The following KCNMB4 variants were observed in gnomAD, a reference collection of about 807,000 sequenced individuals.
KCNMB4 encodes potassium calcium-activated channel subfamily M regulatory beta subunit 4.
In KCNMB4, 3 loss-of-function variants were observed where a neutral mutation model predicts 20.7. That is an observed-to-expected ratio of 0.14 (90% CI 0.07 to 0.37). The LOEUF is 0.37. KCNMB4 is among the 10% of genes least tolerant of loss of function. The probability of loss-of-function intolerance (pLI) is 1.00; values close to 1 mark genes in which losing one functional copy is unlikely to be tolerated. For synonymous variants in KCNMB4, 110 were observed against 113.4 expected (o/e 0.97, Z 0.19); for missense variants, 168 against 265.9 (o/e 0.63, Z 2.56).
In KCNMB4 at chr12:70,432,380, A is replaced by C. The variant is rs1219657026; in HGVS notation, c.*1727A>C. 6.6e-6 allele frequency: 1 copy of C among 152,052 alleles called. No individual in the cohort carries two copies. Among genetic ancestry groups the C allele is most frequent in the Non-Finnish European group, 1.5e-5 (1 of 68,028 alleles). 9.4% of individuals were successfully genotyped at this position (152,052 alleles called of 1,614,324 possible). A position where few individuals can be genotyped will look rare whatever the true frequency, so the allele number is the denominator to read the frequency against. On this transcript the variant is annotated 3_prime_UTR_variant, in exon 3 of 3. Transcript: ENST00000258111. ...TGTGGAAAGGTGTTGAATTGAGTAT[A>C]ATCTTCTTCTGTTTATTTTTGTGTT...
chr12:70,398,470 A>T (rs1262511258), intron 1 of KCNMB4, among the ~76,000 whole-genome samples: 1 of 152,188 alleles, frequency 6.6e-6, no homozygotes, highest in Non-Finnish European at 1.5e-5. Context: ...ATAATTTCAC[A>T]GACATTTTTA....
At chr12:70,384,258 T>A (rs1883846697) in intron 1 of KCNMB4, among the ~76,000 whole-genome samples, 1 of 152,106 alleles carries the variant, frequency 6.6e-6, no homozygotes, top group African/African-American at 2.4e-5. Flanking sequence ...ATAAATACGA[T>A]TTTTGACCAC....
intron 2 of KCNMB4, among the ~76,000 whole-genome samples, chr12:70,428,848 G>GGCAATTT (rs1290507980): frequency 1.3e-5 from 2 of 152,044 alleles, no homozygotes; most frequent in African/African-American, 4.8e-5. Flanking sequence ...CGTGCTATAA[G>GGCAATTT]AATTCCAAAA....
At chr12:70,376,464 T>G (rs1883688428) in intron 1 of KCNMB4, among the ~76,000 whole-genome samples, 1 of 152,140 alleles carries the variant, frequency 6.6e-6, no homozygotes, top group Non-Finnish European at 1.5e-5. Flanking sequence ...CCCCTAAAAT[T>G]TATTAGAGCT....
At chr12:70,426,263 C>G (rs1372955771) in intron 2 of KCNMB4, among the ~76,000 whole-genome samples, 1 of 149,582 alleles carries the variant, frequency 6.7e-6, no homozygotes, top group Non-Finnish European at 1.5e-5. Context: ...CACTGCACTC[C>G]AGCCTGGGTG....
chr12:70,378,610 C>T lies in KCNMB4; in HGVS notation c.336+11540C>T, dbSNP rs144523254. ...CGAGTACAATGGTGTGGTCTTGGCT[C>T]GCTTCACCCTCTGCCTCCTGGGTTC... is the stretch of plus-strand genomic sequence containing the variant. On this transcript the variant is annotated intron_variant, in intron 1 of 2. Transcript: ENST00000258111. Among the ~76,000 whole-genome samples, 420 of 152,204 alleles carry T rather than the reference C, an allele frequency of 2.8e-3. 2 individuals are homozygous for T. The highest frequency in any genetic ancestry group is 5.4e-3 in the Non-Finnish European group (369 of 68,016).
intron 2 of KCNMB4, among the ~76,000 whole-genome samples, chr12:70,426,895 A>G (rs1270733208): frequency 6.6e-6 from 1 of 152,144 alleles, no homozygotes; most frequent in Non-Finnish European, 1.5e-5. Context: ...TTCTATGGGT[A>G]CCCACAGTAT....
At position 70,430,594 on chromosome 12, in the gene KCNMB4, A is replaced by G. The variant is rs150219259; in HGVS notation, c.574A>G (p.Ile192Val). Residue 192 changes from isoleucine (I) to valine (V), a missense_variant, in exon 3 of 3, where the codon ATC becomes GTC. Ile to Val is a conservative substitution (Grantham distance 29). Transcript: ENST00000258111. ...VVGVLIVVLT[I>V]CAKSLAVKAE... ...GGGCGTTCTCATTGTGGTCCTGACC[A>G]TCTGTGCCAAGAGCTTGGCGGTCAA... 9.2e-5 allele frequency: 149 copies of G among 1,613,560 alleles called. No homozygotes were observed. The highest frequency in any genetic ancestry group is 1.2e-4 in the Non-Finnish European group (142 of 1,179,884).
At chr12:70,376,470 G>C (rs915329285) in intron 1 of KCNMB4, among the ~76,000 whole-genome samples, 1 of 152,066 alleles carries the variant, frequency 6.6e-6, no homozygotes, top group Non-Finnish European at 1.5e-5. Context: ...AAATTTATTA[G>C]AGCTAATAAA....
chr12:70,428,332 A>G (rs1310263823), intron 2 of KCNMB4, among the ~76,000 whole-genome samples: 2 of 152,234 alleles, frequency 1.3e-5, no homozygotes, highest in Non-Finnish European at 2.9e-5. Flanking sequence ...AGTGATACTA[A>G]GTAAAATTCA....
intron 2 of KCNMB4, among the ~76,000 whole-genome samples, chr12:70,406,676 A>G (rs1043370019): frequency 2.6e-5 from 4 of 152,070 alleles, no homozygotes; most frequent in Non-Finnish European, 5.9e-5. Context: ...CACCCCTTCC[A>G]TGTGCTGTCC....
intron 1 of KCNMB4, among the ~76,000 whole-genome samples, chr12:70,383,921 T>C (rs1271422410): frequency 1.3e-5 from 2 of 152,078 alleles, no homozygotes; most frequent in Admixed American, 6.6e-5. Context: ...ACATAAAAAT[T>C]AGCTGGGCTT....
chr12:70,375,583 A>G (rs961681225), intron 1 of KCNMB4, among the ~76,000 whole-genome samples: 1 of 152,134 alleles, frequency 6.6e-6, no homozygotes, highest in East Asian at 1.9e-4. Flanking sequence ...AGGCTGCAGT[A>G]AGTTGTGATC....
chr12:70,415,948 G>GT (rs1397990669), intron 2 of KCNMB4, among the ~76,000 whole-genome samples: 2 of 152,186 alleles, frequency 1.3e-5, no homozygotes, highest in African/African-American at 4.8e-5. Context: ...CATCATAGTT[G>GT]TTCTGCAAAT....
chr12:70,367,123 G>C, intron 1 of KCNMB4, 53 bp downstream of exon 1: 3 of 1,425,268 alleles, frequency 2.1e-6, no homozygotes, highest in Non-Finnish European at 2.8e-6. Context: ...TTTGGAGGCA[G>C]CGTCGGTGTT....
chr12:70,379,030 A>T (rs1308314190), intron 1 of KCNMB4, among the ~76,000 whole-genome samples: 4 of 152,174 alleles, frequency 2.6e-5, no homozygotes, highest in Admixed American at 2.0e-4. Context: ...TTTTCTGAAC[A>T]GTAGGTCTCA....
intron 2 of KCNMB4, among the ~76,000 whole-genome samples, chr12:70,414,461 T>C (rs1868864209): frequency 6.6e-6 from 1 of 152,148 alleles, no homozygotes; most frequent in Non-Finnish European, 1.5e-5. Context: ...GATCTGCACC[T>C]GAGTACTTGA....
intron 1 of KCNMB4, among the ~76,000 whole-genome samples, chr12:70,386,674 C>T (rs1868260245): frequency 6.6e-6 from 1 of 150,398 alleles, no homozygotes; most frequent in Non-Finnish European, 1.5e-5. Flanking sequence ...ACCATAATTA[C>T]AGTTTTTGAA....
intron 2 of KCNMB4, among the ~76,000 whole-genome samples, chr12:70,414,098 G>T (rs760822159): frequency 6.6e-6 from 1 of 152,036 alleles, no homozygotes; most frequent in African/African-American, 2.4e-5. Flanking sequence ...CAGGCGTGGT[G>T]GTGCATGCCT....
Sources: gnomAD v4.1 joint callset for allele counts (sites outside exome capture counted in the v4.1 genomes callset) on GRCh38, gnomAD v4.1.1 for gene constraint, MANE v1.5 for transcripts, NCBI Gene and HGNC (gene_info 2026-07-23, HGNC 2026-07-21) for gene names.